ZNF7: variants seen among roughly 807,000 people sequenced by gnomAD.
ZNF7 encodes the protein C2-H2 type zinc finger protein.
Under a neutral mutation model 12.0 loss-of-function variants are expected in ZNF7, and 10 were observed. That is an observed-to-expected ratio of 0.83 (90% confidence interval 0.51 to 1.42). The LOEUF (loss-of-function observed/expected upper bound fraction) is 1.42. Among genes scored for constraint, ZNF7 ranks in the 40% most tolerant of loss-of-function variants. ZNF7 has a pLI of 0.00. For synonymous variants in ZNF7, 334 were observed against 295.0 expected, an observed-to-expected ratio of 1.13 and a Z score of -1.35; for missense variants, 854 against 837.2, an observed-to-expected ratio of 1.02 and a Z score of -0.25.
downstream of ZNF7, chr8:144,846,448 C>G (rs1830515527): frequency 2.8e-6 from 1 of 353,568 alleles, no homozygotes; most frequent in Non-Finnish European, 5.2e-6. Flanking sequence ...GATGCCCAAG[C>G]GTCTTCATGG....
Position 144,843,349 on chromosome 8 carries a change from G to T in ZNF7, c.*181G>T. On this transcript the variant is annotated 3_prime_UTR_variant, in exon 5 of 5. Coordinates refer to ENST00000532777, the MANE Select transcript of ZNF7 (RefSeq NM_003416.4). ...TTATGCCTGTCATCCCAGCACTTTG[G>T]GAGGCCAAGGCGGGCACATCACGAG... 2 of 696,586 alleles carry T rather than the reference G, an allele frequency of 2.9e-6. No homozygotes were observed. The highest frequency in any genetic ancestry group is 2.6e-5 in the South Asian group (1 of 38,920). 43.2% of individuals were successfully genotyped at this position (696,586 alleles called of 1,614,324 possible).
intron 3 of ZNF7, 175 bp downstream of exon 3, chr8:144,829,779 G>C (rs1453845073): frequency 5.2e-6 from 4 of 769,998 alleles, no homozygotes; most frequent in Non-Finnish European, 7.5e-6. Context: ...CCCATGTCAT[G>C]GGGTTCAGCC....
At chr8:144,829,291 G>A (rs1828156831) in intron 2 of ZNF7, 187 bp from the exon 3 acceptor site, 1 of 1,531,924 alleles carries the variant, frequency 6.5e-7, no homozygotes, top group African/African-American at 1.4e-5. Context: ...AGGGTTGTAT[G>A]ACCACCATGG....
chr8:144,838,201 G>C (rs779720009), intron 4 of ZNF7: 1 of 698,564 alleles, frequency 1.4e-6, no homozygotes, highest in Non-Finnish European at 2.6e-6. Context: ...TTCTCCCTGC[G>C]TGTCTGTGTT....
At chr8:144,829,156 C>T (rs930482907) in intron 2 of ZNF7, 66 bp downstream of exon 2, 2 of 1,609,056 alleles carry the variant, frequency 1.2e-6, no homozygotes, top group African/African-American at 2.7e-5. Context: ...GCTCTGCCCA[C>T]TGGCCCTGGG....
At chr8:144,844,709 CAAAAAAAAAAAAAAAAAAAAA>C (rs71320849), downstream of ZNF7, among the ~76,000 whole-genome samples, 1 of 88,618 alleles carries the variant, frequency 1.1e-5, no homozygotes, top group East Asian at 3.5e-4. Flanking sequence ...GACTCTGTAT[CAAAAAAAAAAAAAAAAAAAAA>C]AAAAAACGAA....
Position 144,841,857 on chromosome 8 carries a change from C to T in ZNF7, c.750C>T (p.Tyr250=), listed in dbSNP as rs376157890. ...HTNNCHGEKP[Y]ECAECGKVFR... ...ATAACTGCCATGGAGAGAAGCCGTA[C>T]GAATGTGCAGAGTGTGGGAAAGTCT... The change falls in exon 5 of 5, where the codon TAC becomes TAT. Residue 250 remains tyrosine, a synonymous_variant. Transcript: ENST00000532777. 85 of 1,613,930 alleles carry T rather than the reference C, an allele frequency of 5.3e-5. No homozygotes were observed. In the East Asian group the frequency reaches 7.6e-4, roughly 14 times the overall value.
In ZNF7 at chr8:144,841,675, A is replaced by T. The variant is rs764806925; in HGVS notation, c.568A>T (p.Ser190Cys). 1.2e-6 allele frequency: 2 copies of T among 1,614,046 alleles called. No individual in the cohort carries two copies. The highest frequency in any genetic ancestry group is 1.7e-6 in the Non-Finnish European group (2 of 1,180,010). ...DCQPLESQGE[S>C]AEGMSQRCEE... ...TCAGCCTCTTGAAAGTCAGGGAGAG[A>T]GTGCGGAAGGGATGTCCCAGAGATG... The change falls in exon 5 of 5, where the codon AGT becomes TGT. Residue 190 changes from serine (S) to cysteine (C), a missense_variant. Physicochemically the swap from Ser to Cys is moderately radical, Grantham distance 112. Coordinates refer to ENST00000532777, the MANE Select transcript of ZNF7 (RefSeq NM_003416.4).
intron 3 of ZNF7, among the ~76,000 whole-genome samples, chr8:144,833,348 TTTTG>T (rs1235788401): frequency 6.8e-5 from 10 of 146,130 alleles, no homozygotes; most frequent in Admixed American, 2.1e-4. Flanking sequence ...TTTGGTTTTT[TTTTG>T]TTTGTTTGTT....
intron 3 of ZNF7, among the ~76,000 whole-genome samples, chr8:144,833,015 T>G (rs1034605967): frequency 5.9e-5 from 9 of 152,024 alleles, no homozygotes; most frequent in African/African-American, 2.2e-4. Context: ...CAGGCCAACA[T>G]GGTGAAACCT....
downstream of ZNF7, chr8:144,846,248 T>TG (rs1830506276): frequency 1.4e-6 from 2 of 1,455,380 alleles, no homozygotes; most frequent in Non-Finnish European, 1.8e-6. Flanking sequence ...AAAAAGGGGC[T>TG]GGGGTGCAAG....
chr8:144,832,164 A>G lies in ZNF7; in HGVS notation c.130+2560A>G, dbSNP rs1468478345. Among the ~76,000 whole-genome samples, 9 of 102,192 alleles carry G rather than the reference A, an allele frequency of 8.8e-5. 1 individual carries two copies. Among genetic ancestry groups the G allele is most frequent in the African/African-American group, 2.6e-4 (9 of 34,782 alleles). The allele number at this position is 102,192 out of a possible 152,430, so 67.0% of individuals were successfully genotyped here. A position where few individuals can be genotyped will look rare whatever the true frequency, so the allele number is the denominator to read the frequency against. On this transcript the variant is annotated intron_variant, in intron 3 of 4. Transcript: ENST00000532777. ...CACAGTGGCTCACACCTGTAATCCC[A>G]GCGCTTTGGGAGGCCAAGGCGGGCG...
At position 144,842,393 on chromosome 8, in the gene ZNF7, G is replaced by C. The variant is rs749991522; in HGVS notation, c.1286G>C (p.Ser429Thr). The change falls in exon 5 of 5, where the codon AGT (serine) becomes ACT (threonine). Residue 429 changes from serine (S) to threonine (T), a missense_variant. Ser to Thr is a moderately conservative substitution (Grantham distance 58, BLOSUM62 1). Coordinates refer to ENST00000532777, the MANE Select transcript of ZNF7 (RefSeq NM_003416.4). ...GCTTTTAGGTGGATCTCTCGCCTGA[G>C]TCAGCATCAGCTGATTCACACTGGA... The part of the protein sequence containing the change: ...GKAFRWISRL[S>T]QHQLIHTGEK... The C allele has an allele frequency of 1.3e-5, 21 of 1,613,996 alleles. No individual in the cohort carries two copies. The East Asian group carries it at 4.7e-4, about 36-fold the overall frequency.
chr8:144,829,121 C>G (rs762562782), intron 2 of ZNF7, 31 bp downstream of exon 2: 1 of 1,613,368 alleles, frequency 6.2e-7, no homozygotes, highest in Non-Finnish European at 8.5e-7. Context: ...CTTCCCCTCG[C>G]ATGTCCTGTG....
chr8:144,829,202 A>T, intron 2 of ZNF7, 112 bp downstream of exon 2: 1 of 1,579,068 alleles, frequency 6.3e-7, no homozygotes. Flanking sequence ...GGGCTTAGGA[A>T]GGCCCCCTTG....
At position 144,842,258 on chromosome 8, in the gene ZNF7, A is replaced by C. The variant is rs1316856204; in HGVS notation, c.1151A>C (p.His384Pro). The change falls in exon 5 of 5, where the codon CAT becomes CCT. Residue 384 changes from histidine to proline, a missense_variant. Coordinates refer to ENST00000532777, the MANE Select transcript of ZNF7 (RefSeq NM_003416.4). The part of the protein sequence containing the change: ...SSTLAQHQRM[H>P]TGEKAQILKA... The stretch of plus-strand genomic sequence containing the variant: ...ACCCTAGCCCAGCATCAAAGGATGC[A>C]TACTGGGGAGAAAGCTCAAATTCTA... The C allele has an allele frequency of 2.7e-5, 44 of 1,614,188 alleles. No homozygotes were observed. Among genetic ancestry groups the C allele is most frequent in the Non-Finnish European group, 3.6e-5 (43 of 1,180,058 alleles).
downstream of ZNF7, among the ~76,000 whole-genome samples, chr8:144,843,960 C>T (rs1830328781): frequency 6.6e-6 from 1 of 152,172 alleles, no homozygotes; most frequent in Non-Finnish European, 1.5e-5. Flanking sequence ...GAGGGCCCAG[C>T]CCTATCCCCT....
chr8:144,839,324 G>A (rs1366564797), intron 4 of ZNF7, among the ~76,000 whole-genome samples: 1 of 152,258 alleles, frequency 6.6e-6, no homozygotes, highest in Non-Finnish European at 1.5e-5. Flanking sequence ...AAGTCTGCAT[G>A]TGATGTGTGG....
rs754477142 is a variant in ZNF7, at chr8:144,842,997, A to C, written c.1890A>C (p.Ile630=). The part of the protein sequence containing the change: ...TFVSRKKVNT[I]KKLHQCEDCE... ...TGAGCCGTAAAAAGGTTAATACTAT[A>C]AAGAAACTGCATCAGTGTGAAGACT... The change falls in exon 5 of 5, where the codon ATA becomes ATC. Residue 630 remains isoleucine, a synonymous_variant. Coordinates refer to ENST00000532777, the MANE Select transcript of ZNF7 (RefSeq NM_003416.4). The C allele has an allele frequency of 6.2e-7, 1 of 1,614,092 alleles. No individual in the cohort carries two copies. The highest frequency in any genetic ancestry group is 8.5e-7 in the Non-Finnish European group (1 of 1,180,054).
Sources: gnomAD v4.1 joint callset for allele counts (sites outside exome capture counted in the v4.1 genomes callset) on GRCh38, gnomAD v4.1.1 for gene constraint, MANE v1.5 for transcripts, NCBI Gene and HGNC (gene_info 2026-07-23, HGNC 2026-07-21) for gene names.